The following HEMK2 variants were observed in gnomAD, a reference collection of about 807,000 sequenced individuals.
The protein encoded by HEMK2 is HemK methyltransferase 2, ETF1 glutamine and histone H4 lysine, also known as methyltransferase HEMK2.
At chr21:28,703,828 G>GA in the HEMK2 span, among the ~76,000 whole-genome samples, 9 of 152,026 alleles carry the variant, frequency 5.9e-5, no homozygotes, top group African/African-American at 1.4e-4. Flanking sequence ...CAGAGTTACA[G>GA]AAAAAAAATT....
chr21:28,789,937 A>G, the HEMK2 span, among the ~76,000 whole-genome samples: 1 of 152,154 alleles, frequency 6.6e-6, no homozygotes, highest in Non-Finnish European at 1.5e-5. Flanking sequence ...TTATTATTAA[A>G]CATTGGTCTA....
the HEMK2 span, among the ~76,000 whole-genome samples, chr21:28,717,302 G>A: frequency 6.6e-6 from 1 of 151,880 alleles, no homozygotes; most frequent in African/African-American, 2.4e-5. Flanking sequence ...GCTCATTACT[G>A]GTATTACTGG....
the HEMK2 span, among the ~76,000 whole-genome samples, chr21:28,614,161 T>G: frequency 6.6e-6 from 1 of 152,184 alleles, no homozygotes; most frequent in Non-Finnish European, 1.5e-5. Flanking sequence ...TATACAAAAC[T>G]TTCTAACCAT....
At chr21:28,875,452 T>A in the HEMK2 span, 1 of 152,352 alleles carries the variant, frequency 6.6e-6, no homozygotes, top group Non-Finnish European at 1.5e-5. Context: ...TATAGGGACC[T>A]GCCAGAAGCT....
the HEMK2 span, among the ~76,000 whole-genome samples, chr21:28,595,540 A>C: frequency 3.4e-4 from 52 of 152,262 alleles, no homozygotes; most frequent in Middle Eastern, 3.4e-3. Flanking sequence ...ATAGTACTCC[A>C]TTGTGAATAA....
the HEMK2 span, among the ~76,000 whole-genome samples, chr21:28,836,810 TA>T: frequency 5.4e-4 from 79 of 146,342 alleles, no homozygotes; most frequent in Middle Eastern, 3.4e-3. Flanking sequence ...GTAAAGCGGT[TA>T]AAAAAAAAAA....
chr21:28,664,993 A>G, the HEMK2 span, among the ~76,000 whole-genome samples: 3 of 152,142 alleles, frequency 2.0e-5, no homozygotes, highest in Non-Finnish European at 4.4e-5. Flanking sequence ...AAAGAGGCTT[A>G]TAGGCCAGGC....
the HEMK2 span, among the ~76,000 whole-genome samples, chr21:28,710,016 G>A: frequency 6.6e-6 from 1 of 152,186 alleles, no homozygotes; most frequent in South Asian, 2.1e-4. Flanking sequence ...ACATTCCCAT[G>A]TGGGCTCATC....
the HEMK2 span, among the ~76,000 whole-genome samples, chr21:28,668,094 T>C: frequency 6.6e-6 from 1 of 152,040 alleles, no homozygotes; most frequent in Non-Finnish European, 1.5e-5. Flanking sequence ...AAGCCAATTT[T>C]CCCCCTTTTC....
chr21:28,876,590 G>A, the HEMK2 span: 1 of 677,608 alleles, frequency 1.5e-6, no homozygotes, highest in South Asian at 2.4e-5. Context: ...TTTATAAATT[G>A]TATTCATCTG....
chr21:28,784,118 A>G, the HEMK2 span, among the ~76,000 whole-genome samples: 1 of 152,204 alleles, frequency 6.6e-6, no homozygotes, highest in East Asian at 1.9e-4. Flanking sequence ...GGTCCCATCG[A>G]CCACCCAAGA....
the HEMK2 span, among the ~76,000 whole-genome samples, chr21:28,821,365 A>G: frequency 6.6e-6 from 1 of 152,190 alleles, no homozygotes; most frequent in Non-Finnish European, 1.5e-5. Context: ...CTATTCCTTT[A>G]TCTGTAAAAG....
At chr21:28,763,961 G>A in the HEMK2 span, among the ~76,000 whole-genome samples, 1 of 152,050 alleles carries the variant, frequency 6.6e-6, no homozygotes, top group Non-Finnish European at 1.5e-5. Flanking sequence ...TCCTCATCCT[G>A]GGATAGGAGC....
At chr21:28,757,287 A>AT in the HEMK2 span, among the ~76,000 whole-genome samples, 1 of 152,192 alleles carries the variant, frequency 6.6e-6, no homozygotes, top group Admixed American at 6.5e-5. Flanking sequence ...CAATTGGCAC[A>AT]TTTTTATGTA....
the HEMK2 span, among the ~76,000 whole-genome samples, chr21:28,790,325 G>A: frequency 6.6e-6 from 1 of 152,142 alleles, no homozygotes; most frequent in Non-Finnish European, 1.5e-5. Flanking sequence ...TTGGTTAGGT[G>A]GGAAGGAGGG....
the HEMK2 span, among the ~76,000 whole-genome samples, chr21:28,633,770 G>A: frequency 1.3e-5 from 2 of 152,146 alleles, no homozygotes; most frequent in Non-Finnish European, 2.9e-5. Context: ...AGTTCTCTGA[G>A]CCATTGCAAA....
At chr21:28,684,603 G>A in the HEMK2 span, among the ~76,000 whole-genome samples, 1 of 152,194 alleles carries the variant, frequency 6.6e-6, no homozygotes, top group Non-Finnish European at 1.5e-5. Flanking sequence ...TTATACTGCA[G>A]GGATTTTCAT....
At chr21:28,582,243 C>T in the HEMK2 span, among the ~76,000 whole-genome samples, 13 of 152,266 alleles carry the variant, frequency 8.5e-5, no homozygotes, top group African/African-American at 1.4e-4. Flanking sequence ...TTATTAGTCT[C>T]GCTTTGTTCC....
At chr21:28,698,269 T>C in the HEMK2 span, among the ~76,000 whole-genome samples, 2 of 152,234 alleles carry the variant, frequency 1.3e-5, no homozygotes, top group Non-Finnish European at 2.9e-5. Context: ...ACTAGCTGTG[T>C]GCTGTTAGAA....
Sources: allele counts gnomAD v4.1 joint callset (sites outside exome capture counted in the v4.1 genomes callset), GRCh38; gene constraint gnomAD v4.1.1; transcripts MANE v1.5; gene names NCBI Gene and HGNC (gene_info 2026-07-23, HGNC 2026-07-21).